Variants in MYO6 observed in about 807,000 individuals in gnomAD.
MYO6 encodes unconventional myosin-VI.
MYO6 carries 74 observed loss-of-function variants against 178.7 expected under a neutral mutation model. That is an observed-to-expected ratio of 0.41 (90% confidence interval 0.34 to 0.50). The LOEUF (loss-of-function observed/expected upper bound fraction) is 0.50. MYO6 is among the 20% of genes least tolerant of loss of function. The pLI is 0.09. For synonymous variants in MYO6, 477 were observed against 504.6 expected (o/e 0.95, Z 0.73); for missense variants, 1,330 against 1,547.4 (o/e 0.86, Z 2.36).
chr6:75,903,087 G>T (rs1267686893), intron 30 of MYO6, among the ~76,000 whole-genome samples: 3 of 152,194 alleles, frequency 2.0e-5, no homozygotes, highest in African/African-American at 7.2e-5. Context: ...TGTGGTCTGA[G>T]AGATAGTTTG....
chr6:75,917,487 C>G lies in MYO6; in HGVS notation c.*2475C>G, dbSNP rs180997432. 1 of 152,436 alleles carries G rather than the reference C, an allele frequency of 6.6e-6. No individual in the cohort carries two copies. 9.4% of individuals were successfully genotyped at this position (152,436 alleles called of 1,614,324 possible). On this transcript the variant is annotated 3_prime_UTR_variant, in exon 35 of 35. Transcript: ENST00000369977. Reference sequence around the variant, plus strand: ...AACTAATTGAGAAAAGGAAGTTACTCTAATCCACGTATGTTAAGAGAATAT... The same window carrying G: ...AACTAATTGAGAAAAGGAAGTTACTGTAATCCACGTATGTTAAGAGAATAT...
intron 23 of MYO6, 56 bp from the exon 24 acceptor site, chr6:75,885,948 T>C: frequency 9.7e-7 from 1 of 1,028,734 alleles, no homozygotes; most frequent in Non-Finnish European, 1.5e-6. Context: ...TTTTTTAATA[T>C]ATGTTAGATT....
chr6:75,905,406 A>T (rs938410848), intron 30 of MYO6, among the ~76,000 whole-genome samples: 5 of 152,190 alleles, frequency 3.3e-5, no homozygotes, highest in African/African-American at 9.7e-5. Flanking sequence ...CATGTGCGGG[A>T]TATAATCTCC....
chr6:75,779,690 G>A (rs1766765650), intron 1 of MYO6, among the ~76,000 whole-genome samples: 1 of 151,560 alleles, frequency 6.6e-6, no homozygotes, highest in African/African-American at 2.4e-5. Context: ...TTTTTCTATG[G>A]CTGTTTAAAA....
At chr6:75,910,655 A>G (rs915211145) in intron 32 of MYO6, among the ~76,000 whole-genome samples, 2 of 152,128 alleles carry the variant, frequency 1.3e-5, no homozygotes, top group Non-Finnish European at 2.9e-5. Context: ...TTTTCAGGAT[A>G]TATTTTATCA....
chr6:75,862,569 T>G, intron 15 of MYO6, 27 bp from the exon 16 acceptor site: 1 of 1,585,358 alleles, frequency 6.3e-7, no homozygotes, highest in South Asian at 1.1e-5. Context: ...TTTACACTAT[T>G]GTGAGTGTTT....
chr6:75,797,659 G>A (rs1233126364), intron 1 of MYO6, among the ~76,000 whole-genome samples: 3 of 151,890 alleles, frequency 2.0e-5, no homozygotes, highest in South Asian at 2.1e-4. Flanking sequence ...TTAGATACCC[G>A]AGTAGCTGGG....
chr6:75,848,446 T>C lies in MYO6; in HGVS notation c.993T>C (p.Asp331=), dbSNP rs757488387. ...CTAMKKIGLD[D]EEKLDLFRVV... Reference sequence around the variant, plus strand: ...CTATGAAAAAAATTGGTTTGGATGATGAAGAAAAGCTTGATCTCTTCCGGG... The same window carrying C: ...CTATGAAAAAAATTGGTTTGGATGACGAAGAAAAGCTTGATCTCTTCCGGG... Residue 331 remains aspartate, a synonymous_variant, in exon 11 of 35, where the codon GAT becomes GAC. Coordinates refer to ENST00000369977, the MANE Select transcript of MYO6 (RefSeq NM_004999.4). The C allele has an allele frequency of 1.2e-5, 20 of 1,613,794 alleles. No homozygotes were observed. Among genetic ancestry groups the C allele is most frequent in the Admixed American group, 8.3e-5 (5 of 59,954 alleles).
At chr6:75,907,853 A>C (rs973737314) in intron 31 of MYO6, 145 bp downstream of exon 31, 22 of 682,706 alleles carry the variant, frequency 3.2e-5, no homozygotes, top group Non-Finnish European at 4.1e-5. Context: ...ATATTATCTG[A>C]ATCTTTTGGT....
Position 75,835,864 on chromosome 6 carries a change from A to G in MYO6, c.498-37A>G, listed in dbSNP as rs369287393. 5.1e-5 allele frequency: 61 copies of G among 1,201,938 alleles called. No homozygotes were observed. The African/African-American group carries it at 7.2e-4, about 14-fold the overall frequency. The allele number at this position is 1,201,938 out of a possible 1,614,324, so 74.5% of individuals were successfully genotyped here. A position where few individuals can be genotyped will look rare whatever the true frequency, so the allele number is the denominator to read the frequency against. On this transcript the variant is annotated intron_variant, in intron 6 of 34. Coordinates refer to ENST00000369977, the MANE Select transcript of MYO6 (RefSeq NM_004999.4). Reference sequence around the variant, plus strand: ...ATTATAAATTATTGTACACCATATTATTGTCATCAACATTTTTTATCCTAT... The same window carrying G: ...ATTATAAATTATTGTACACCATATTGTTGTCATCAACATTTTTTATCCTAT...
intron 25 of MYO6, among the ~76,000 whole-genome samples, chr6:75,889,611 C>T (rs1265645880): frequency 6.6e-6 from 1 of 152,200 alleles, no homozygotes; most frequent in Non-Finnish European, 1.5e-5. Context: ...CAGGGTTTCA[C>T]TATGTTGGCC....
intron 1 of MYO6, among the ~76,000 whole-genome samples, chr6:75,789,176 C>T (rs1470065436): frequency 6.6e-6 from 1 of 152,182 alleles, no homozygotes; most frequent in African/African-American, 2.4e-5. Context: ...TACCAGGTTT[C>T]ATTGAATCTA....
intron 1 of MYO6, among the ~76,000 whole-genome samples, chr6:75,805,021 A>ATATATATATATTTTTTTT (rs1252912172): frequency 1.8e-4 from 14 of 77,282 alleles, no homozygotes; most frequent in East Asian, 1.1e-3. Context: ...ATATATATAT[A>ATATATATATATTTTTTTT]TTTTTTTTTT....
chr6:75,758,167 G>A (rs1405122368), intron 1 of MYO6, among the ~76,000 whole-genome samples: 1 of 151,326 alleles, frequency 6.6e-6, no homozygotes, highest in Non-Finnish European at 1.5e-5. Context: ...TAGTAGACAC[G>A]GGGTTTCACT....
chr6:75,789,869 A>ACAAC (rs1768050545), intron 1 of MYO6, among the ~76,000 whole-genome samples: 1 of 152,182 alleles, frequency 6.6e-6, no homozygotes, highest in Non-Finnish European at 1.5e-5. Flanking sequence ...TACCCATTGA[A>ACAAC]CAACCTCTCC....
intron 1 of MYO6, among the ~76,000 whole-genome samples, chr6:75,766,060 C>G (rs1035730265): frequency 9.9e-5 from 15 of 152,132 alleles, no homozygotes; most frequent in Non-Finnish European, 2.2e-4. Context: ...TGGTGGCTCA[C>G]ACCTGTAATC....
chr6:75,871,321 CT>C (rs1358291983), intron 19 of MYO6, among the ~76,000 whole-genome samples: 1 of 152,220 alleles, frequency 6.6e-6, no homozygotes, highest in African/African-American at 2.4e-5. Flanking sequence ...GCAATCACAA[CT>C]CGCTGCAACC....
chr6:75,894,213 A>T (rs1779121087), intron 28 of MYO6, among the ~76,000 whole-genome samples: 2 of 152,156 alleles, frequency 1.3e-5, no homozygotes, highest in South Asian at 4.1e-4. Context: ...TCATATGTGG[A>T]CCCCTTCCCA....
intron 11 of MYO6, among the ~76,000 whole-genome samples, chr6:75,853,205 T>C (rs1363492295): frequency 6.6e-6 from 1 of 152,224 alleles, no homozygotes; most frequent in African/African-American, 2.4e-5. Context: ...TACCAAGTTG[T>C]AAGAGTTTTG....
Sources: gnomAD v4.1 joint callset for allele counts (sites outside exome capture counted in the v4.1 genomes callset) on GRCh38, gnomAD v4.1.1 for gene constraint, MANE v1.5 for transcripts, NCBI Gene and HGNC (gene_info 2026-07-23, HGNC 2026-07-21) for gene names.